The following MAP4K4 variants were observed in gnomAD, a reference collection of about 807,000 sequenced individuals.
The protein encoded by MAP4K4 is mitogen-activated protein kinase kinase kinase kinase 4.
Under a neutral mutation model 189.6 loss-of-function variants are expected in MAP4K4, and 38 were observed. The ratio of observed to expected loss-of-function variants is 0.20; its 90% CI spans 0.15 to 0.26. The LOEUF is 0.26. MAP4K4 is among the 10% of genes least tolerant of loss of function. MAP4K4 has a pLI of 1.00. For missense variants in MAP4K4, 1,054 were observed against 1,726.9 expected (o/e 0.61, Z 6.91); for synonymous variants, 610 against 624.3 (o/e 0.98, Z 0.34).
At chr2:101,874,323 C>CA (rs1269377190) in intron 26 of MAP4K4, 71 bp downstream of exon 26, 4 of 1,379,776 alleles carry the variant, frequency 2.9e-6, no homozygotes, top group Non-Finnish European at 4.0e-6. Flanking sequence ...TAGAGAAGTA[C>CA]TGCATTGAAT....
chr2:101,705,635 T>C (rs1219172998), intron 2 of MAP4K4, among the ~76,000 whole-genome samples: 1 of 152,226 alleles, frequency 6.6e-6, no homozygotes, highest in African/African-American at 2.4e-5. Flanking sequence ...TTTGTTTTTG[T>C]TTTCTTTTTA....
intron 15 of MAP4K4, 67 bp from the exon 16 acceptor site, chr2:101,860,758 A>G (rs2097624707): frequency 1.5e-6 from 2 of 1,319,316 alleles, no homozygotes; most frequent in Admixed American, 2.7e-5. Flanking sequence ...CCACTTTTAG[A>G]CTTTCTTTGA....
At chr2:101,698,494 C>G (rs763682365) in exon 2 of MAP4K4, 8 of 1,613,682 alleles carry the variant, frequency 5.0e-6, no homozygotes, top group Non-Finnish European at 6.8e-6. Context: ...GATTTTTGAG[C>G]TGGTGGAAGT....
intron 2 of MAP4K4, among the ~76,000 whole-genome samples, chr2:101,702,574 A>G (rs1356625634): frequency 6.6e-6 from 1 of 152,178 alleles, no homozygotes; most frequent in East Asian, 1.9e-4. Context: ...TGTCTCAAAA[A>G]AAAGAAAAGA....
rs57968315 is a variant in MAP4K4 at position 101,836,070 on chromosome 2, C to T, written c.773+92C>T. 3,391 of 947,602 alleles carry T rather than the reference C, an allele frequency of 3.6e-3. 76 individuals carry two copies. In the African/African-American group the frequency reaches 0.05, roughly 14 times the overall value. 58.7% of individuals were successfully genotyped at this position (947,602 alleles called of 1,614,324 possible). ...TTTCCTCTGAGATAAAATTCTGGCC[C>T]TTCTAATTCTGGGGAACCCAAGAGC... On this transcript the variant is annotated intron_variant, in intron 9 of 32. Coordinates refer to ENST00000324219, the Ensembl canonical transcript of MAP4K4.
intron 14 of MAP4K4, among the ~76,000 whole-genome samples, chr2:101,859,374 A>G (rs909161443): frequency 4.7e-4 from 72 of 152,212 alleles, no homozygotes; most frequent in African/African-American, 1.7e-3. Flanking sequence ...TTGAAAGCAC[A>G]TGTCACAGGA....
intron 2 of MAP4K4, among the ~76,000 whole-genome samples, chr2:101,720,763 T>A (rs1284592400): frequency 6.6e-6 from 1 of 152,236 alleles, no homozygotes; most frequent in Admixed American, 6.5e-5. Context: ...TTAAGTAATC[T>A]TTTGTTACTG....
chr2:101,764,308 ATAGT>A (rs1220666515), intron 2 of MAP4K4, among the ~76,000 whole-genome samples: 6 of 152,224 alleles, frequency 3.9e-5, no homozygotes, highest in African/African-American at 1.2e-4. Flanking sequence ...TGTTAAATTC[ATAGT>A]TCATTTTGTT....
At position 101,882,695 on chromosome 2, in the gene MAP4K4, A is replaced by G. The variant is rs1359178107; in HGVS notation, c.3520+10A>G. 2 of 1,540,924 alleles carry G rather than the reference A, an allele frequency of 1.3e-6. No homozygotes were observed. Among genetic ancestry groups the G allele is most frequent in the African/African-American group, 1.4e-5 (1 of 71,852 alleles). ...GTACATTATAAAGTTGGTAAGTTCT[A>G]GAAGCGTCATATTTTGTTTTTCCAG... On this transcript the variant is annotated intron_variant, in intron 28 of 32. Coordinates refer to ENST00000324219, the Ensembl canonical transcript of MAP4K4.
intron 2 of MAP4K4, among the ~76,000 whole-genome samples, chr2:101,713,850 C>T (rs957795864): frequency 6.6e-6 from 1 of 151,992 alleles, no homozygotes; most frequent in African/African-American, 2.4e-5. Context: ...GCTGAGGTCG[C>T]GCCACTGCAC....
chr2:101,860,752 T>C lies in MAP4K4; in HGVS notation c.1705-73T>C, dbSNP rs188732856. On this transcript the variant is annotated intron_variant, in intron 15 of 32. Coordinates refer to ENST00000324219, the Ensembl canonical transcript of MAP4K4. ...AAACTTACCTTTAGATTTCTTCCAC[T>C]TTTAGACTTTCTTTGATATTTCTGC... 2.5e-4 allele frequency: 324 copies of C among 1,300,476 alleles called. 1 individual carries two copies. In the African/African-American group the frequency reaches 4.0e-3, roughly 16 times the overall value. The allele number at this position is 1,300,476 out of a possible 1,614,324, so 80.6% of individuals were successfully genotyped here. A position where few individuals can be genotyped will look rare whatever the true frequency, so the allele number is the denominator to read the frequency against.
In MAP4K4 at chr2:101,871,361, T is replaced by C. The variant is rs1577142449; in HGVS notation, c.2761-133T>C. 1.5e-5 allele frequency: 10 copies of C among 678,534 alleles called. No homozygotes were observed. The East Asian group carries it at 2.8e-4, about 19-fold the overall frequency. 42.0% of individuals were successfully genotyped at this position (678,534 alleles called of 1,614,324 possible). ...GTGAGGAAGTGTGAGCAGTTCAGGC[T>C]AATTTCTTTGGTTTTTCCTTGGTAA... On this transcript the variant is annotated intron_variant, in intron 23 of 32. Coordinates refer to ENST00000324219, the Ensembl canonical transcript of MAP4K4.
At chr2:101,732,237 T>C (rs990142466) in intron 2 of MAP4K4, among the ~76,000 whole-genome samples, 1 of 152,150 alleles carries the variant, frequency 6.6e-6, no homozygotes, top group Non-Finnish European at 1.5e-5. Context: ...TCATAAACTT[T>C]CCAGAATTTA....
At chr2:101,785,684 C>T (rs914200322) in intron 2 of MAP4K4, among the ~76,000 whole-genome samples, 2,464 of 5,606 alleles carry the variant, frequency 0.44, 136 homozygotes, top group South Asian at 0.49. Flanking sequence ...CTCCCTCTCT[C>T]TCTCTCTCTC....
rs34293909 is a variant in MAP4K4 at position 101,760,530 on chromosome 2, ATGTGTGTG to A, written c.124-30168_124-30161del. Among the ~76,000 whole-genome samples the A allele has an allele frequency of 2.8e-3, 392 of 138,686 alleles. 1 individual carries two copies. Among genetic ancestry groups the A allele is most frequent in the African/African-American group, 5.4e-3 (198 of 36,332 alleles). 91.0% of individuals were successfully genotyped at this position (138,686 alleles called of 152,430 possible). A position where few individuals can be genotyped will look rare whatever the true frequency, so the allele number is the denominator to read the frequency against. On this transcript the variant is annotated intron_variant, in intron 2 of 32. Transcript: ENST00000324219. ...TATATATATATATATATATGTATAT[ATGTGTGTG>A]TGTGTGTGTGTGTGTGTGTGTATAT...
At chr2:101,751,757 C>T (rs1404338740) in intron 2 of MAP4K4, among the ~76,000 whole-genome samples, 1 of 152,198 alleles carries the variant, frequency 6.6e-6, no homozygotes, top group East Asian at 1.9e-4. Flanking sequence ...AGGGGCTCGA[C>T]TACAGACACC....
chr2:101,787,806 T>TTG (rs2091880780), intron 2 of MAP4K4, among the ~76,000 whole-genome samples: 1 of 143,616 alleles, frequency 7.0e-6, no homozygotes, highest in African/African-American at 2.6e-5. Context: ...GAAGTTTGCT[T>TTG]TTTTTTTTTT....
At chr2:101,870,334 G>A in exon 23 of MAP4K4, 2 of 1,613,444 alleles carry the variant, frequency 1.2e-6, no homozygotes, top group East Asian at 2.2e-5. Context: ...CGGAATCTGT[G>A]AAAACCATGA....
At chr2:101,879,078 C>G (rs2098297293) in intron 27 of MAP4K4, among the ~76,000 whole-genome samples, 1 of 151,412 alleles carries the variant, frequency 6.6e-6, no homozygotes, top group Admixed American at 6.6e-5. Flanking sequence ...GCCTGTAATC[C>G]CAGCAATCTG....
Sources: allele counts gnomAD v4.1 joint callset (sites outside exome capture counted in the v4.1 genomes callset), GRCh38; gene constraint gnomAD v4.1.1; transcripts MANE v1.5; gene names NCBI Gene and HGNC (gene_info 2026-07-23, HGNC 2026-07-21).